SCAMP4: variants seen among roughly 807,000 people sequenced by gnomAD.
SCAMP4 encodes secretory carrier membrane protein 4, also known as secretory carrier-associated membrane protein 4.
In SCAMP4, 19 loss-of-function variants were observed where a neutral mutation model predicts 32.1. The ratio of observed to expected loss-of-function variants is 0.59; its 90% confidence interval spans 0.41 to 0.87. The LOEUF (loss-of-function observed/expected upper bound fraction) is 0.87, where lower values mean the gene tolerates loss of function less well. SCAMP4 is among the 40% of genes least tolerant of loss of function. SCAMP4 has a pLI of 0.00. For missense variants in SCAMP4, 302 were observed against 309.0 expected (o/e 0.98, Z 0.17); for synonymous variants, 152 against 132.7 (o/e 1.15, Z -1.00).
At chr19:1,920,242 G>A in intron 5 of SCAMP4, 1 of 985,476 alleles carries the variant, frequency 1.0e-6, no homozygotes, top group South Asian at 4.7e-5. Flanking sequence ...CTCCCCACGG[G>A]TGACGCTGCT....
At position 1,908,383 on chromosome 19, in the gene SCAMP4, G is replaced by A. The variant is rs2013251485; in HGVS notation, c.-42+2944G>A. The A allele has an allele frequency of 2.0e-5, 8 of 408,698 alleles. No homozygotes were observed. Among genetic ancestry groups the A allele is most frequent in the South Asian group, 1.3e-4 (7 of 54,982 alleles). The allele number at this position is 408,698 out of a possible 1,614,324, so 25.3% of individuals were successfully genotyped here. A position where few individuals can be genotyped will look rare whatever the true frequency, so the allele number is the denominator to read the frequency against. ...TCCACTGGCTGCTGGTCCCCCATCT[G>A]TGGGGCGCCCCGGCGGCTGAGGCGT... On this transcript the variant is annotated intron_variant, in intron 1 of 6. Coordinates refer to ENST00000316097, the MANE Select transcript of SCAMP4 (RefSeq NM_079834.4). The surrounding 1 kb of genome is among the most constrained non-coding windows in gnomAD (Gnocchi z 4.2).
chr19:1,914,837 C>A, intron 1 of SCAMP4, 142 bp from the exon 2 acceptor site: 1 of 684,408 alleles, frequency 1.5e-6, no homozygotes, highest in Non-Finnish European at 2.6e-6. Context: ...TGGGTCGAGT[C>A]AGGCCTGTGG....
In SCAMP4 at chr19:1,908,837, C is replaced by T. The variant is rs1261455071; in HGVS notation, c.-42+3398C>T. Among the ~76,000 whole-genome samples, 1 of 152,120 alleles carries T rather than the reference C, an allele frequency of 6.6e-6. No individual in the cohort carries two copies. Among genetic ancestry groups the T allele is most frequent in the Non-Finnish European group, 1.5e-5 (1 of 68,018 alleles). ...AAGCAATGTGGGCTGGGCACGGTGG[C>T]TCACACCTGTAATCCCAGCACTTTG... On this transcript the variant is annotated intron_variant, in intron 1 of 6. Coordinates refer to ENST00000316097, the MANE Select transcript of SCAMP4 (RefSeq NM_079834.4). The surrounding 1 kb of genome is among the most constrained non-coding windows in gnomAD (Gnocchi z 4.2).
intron 2 of SCAMP4, among the ~76,000 whole-genome samples, chr19:1,916,778 TCC>T (rs1423047799): frequency 6.6e-6 from 1 of 152,154 alleles, no homozygotes; most frequent in Non-Finnish European, 1.5e-5. Flanking sequence ...GTTCTAAGCC[TCC>T]CAGTCGGTGG....
At chr19:1,911,309 C>T (rs1438590235) in intron 1 of SCAMP4, among the ~76,000 whole-genome samples, 1 of 151,722 alleles carries the variant, frequency 6.6e-6, no homozygotes, top group Non-Finnish European at 1.5e-5. Context: ...GTAGCTGAAA[C>T]CACCGGTGTG....
chr19:1,913,000 G>C (rs368033500), intron 1 of SCAMP4: 1 of 1,607,906 alleles, frequency 6.2e-7, no homozygotes. Context: ...GTGCACGCAC[G>C]CATCCTGCGC....
intron 5 of SCAMP4, chr19:1,921,058 C>A (rs1016144005): frequency 2.0e-6 from 2 of 985,286 alleles, no homozygotes; most frequent in Non-Finnish European, 2.4e-6. Flanking sequence ...AGAGCCCGGC[C>A]CCCCTTGTAA....
In SCAMP4 at chr19:1,908,724, C is replaced by A. The variant is rs1236200566; in HGVS notation, c.-42+3285C>A. On this transcript the variant is annotated intron_variant, in intron 1 of 6. Transcript: ENST00000316097. This position sits in a 1 kb window ranked among gnomAD's most constrained non-coding sequence, Gnocchi z 4.2. ...ATCTTGCCCACGTTGGTCTCAAACT[C>A]CTGTGCTTAAGTGATCCTCTCGCCT... The A allele has an allele frequency of 1.3e-5, 5 of 385,828 alleles. No homozygotes were observed. In the East Asian group the frequency reaches 3.6e-4, roughly 28 times the overall value. The allele number at this position is 385,828 out of a possible 1,614,324, so 23.9% of individuals were successfully genotyped here. A position where few individuals can be genotyped will look rare whatever the true frequency, so the allele number is the denominator to read the frequency against.
chr19:1,907,529 G>C (rs963348402), intron 1 of SCAMP4, among the ~76,000 whole-genome samples: 3 of 152,176 alleles, frequency 2.0e-5, no homozygotes, highest in African/African-American at 4.8e-5. Context: ...GGGCAGGTTG[G>C]GGACTGGGTG....
intron 5 of SCAMP4, chr19:1,921,148 G>A (rs554658548): frequency 1.3e-4 from 127 of 985,406 alleles, no homozygotes; most frequent in Middle Eastern, 1.0e-3. Context: ...GTGCGCTGCT[G>A]TGGGGCGAGA....
At chr19:1,913,984 C>G (rs2013637522) in intron 1 of SCAMP4, among the ~76,000 whole-genome samples, 1 of 152,106 alleles carries the variant, frequency 6.6e-6, no homozygotes, top group African/African-American at 2.4e-5. Flanking sequence ...TGGCCAGGAG[C>G]CCGCCAGGCC....
intron 1 of SCAMP4, chr19:1,913,250 G>C: frequency 1.4e-6 from 2 of 1,430,822 alleles, no homozygotes; most frequent in Non-Finnish European, 1.8e-6. Flanking sequence ...CCTGACCGTG[G>C]ATTTCAGGGA....
At chr19:1,911,088 G>T (rs2013419692) in intron 1 of SCAMP4, among the ~76,000 whole-genome samples, 1 of 152,050 alleles carries the variant, frequency 6.6e-6, no homozygotes, top group Admixed American at 6.6e-5. Context: ...TGTTAGCCAG[G>T]ATGGTCTTGA....
In SCAMP4 at chr19:1,924,616, G is replaced by T. The variant is rs1036216393; in HGVS notation, c.*332G>T. On this transcript the variant is annotated 3_prime_UTR_variant, in exon 7 of 7. Transcript: ENST00000316097. Reference sequence around the variant, plus strand: ...TCAGGTCTCGAGGCCTGACTCCGGGGGACAGGTGGCAGCAGGTCGGCCGCC... The same window carrying T: ...TCAGGTCTCGAGGCCTGACTCCGGGTGACAGGTGGCAGCAGGTCGGCCGCC... 5 of 320,496 alleles carry T rather than the reference G, an allele frequency of 1.6e-5. No homozygotes were observed. Among genetic ancestry groups the T allele is most frequent in the Non-Finnish European group, 3.1e-5 (5 of 163,142 alleles). The allele number at this position is 320,496 out of a possible 1,614,324, so 19.9% of individuals were successfully genotyped here.
At chr19:1,911,804 A>AAAAT (rs1568763275) in intron 1 of SCAMP4, 2 of 402,674 alleles carry the variant, frequency 5.0e-6, no homozygotes, top group Non-Finnish European at 8.7e-6. Context: ...TAAAATAAAA[A>AAAAT]AAAAAGAAAA....
intron 3 of SCAMP4, 57 bp from the exon 4 acceptor site, chr19:1,918,070 T>C (rs1006286116): frequency 6.4e-7 from 1 of 1,564,590 alleles, no homozygotes; most frequent in East Asian, 2.3e-5. Context: ...GGGCCCATGC[T>C]TTCCCACGGC....
intron 1 of SCAMP4, chr19:1,907,038 T>C (rs930181016): frequency 2.0e-5 from 3 of 149,184 alleles, no homozygotes; most frequent in Non-Finnish European, 1.5e-5. Context: ...ATATAAAAAA[T>C]TAGCCAGGCA....
chr19:1,912,271 T>C (rs760046379), intron 1 of SCAMP4: 2 of 1,591,976 alleles, frequency 1.3e-6, no homozygotes, highest in Non-Finnish European at 1.7e-6. Flanking sequence ...ACCTCACGCC[T>C]CCTGAAGGAG....
chr19:1,919,024 A>C (rs769498209), intron 5 of SCAMP4, 34 bp downstream of exon 5: 1 of 1,576,008 alleles, frequency 6.3e-7, no homozygotes, highest in Non-Finnish European at 8.6e-7. Flanking sequence ...GGTGGCTGTG[A>C]TGTGGCTCAG....
Sources: gnomAD v4.1 joint callset for allele counts (sites outside exome capture counted in the v4.1 genomes callset) on GRCh38, gnomAD v4.1.1 for gene constraint, Gnocchi (gnomAD v3.1) non-coding constraint, MANE v1.5 for transcripts, NCBI Gene and HGNC (gene_info 2026-07-23, HGNC 2026-07-21) for gene names.